Variants in AIG1 observed in about 807,000 individuals in gnomAD.
The protein encoded by AIG1 is androgen-induced gene 1 protein.
AIG1 carries 23 observed loss-of-function variants against 31.4 expected under a neutral mutation model. The observed-to-expected ratio is 0.73, with a 90% confidence interval of 0.53 to 1.04. The LOEUF (loss-of-function observed/expected upper bound fraction) is 1.04, where lower values mean the gene tolerates loss of function less well. Among genes scored for constraint, AIG1 ranks in the 50% least tolerant of loss-of-function variants. The pLI is 0.00. For synonymous variants in AIG1, 100 were observed against 110.5 expected (o/e 0.90, Z 0.60); for missense variants, 274 against 295.0 (o/e 0.93, Z 0.52).
At chr6:143,156,511 CT>C (rs1306132151) in intron 2 of AIG1, among the ~76,000 whole-genome samples, 1 of 152,162 alleles carries the variant, frequency 6.6e-6, no homozygotes, top group African/African-American at 2.4e-5. Flanking sequence ...AGAATGTTTA[CT>C]TTTTATACAT....
intron 1 of AIG1, among the ~76,000 whole-genome samples, chr6:143,117,473 T>C (rs1300460420): frequency 1.3e-5 from 2 of 152,028 alleles, no homozygotes; most frequent in Non-Finnish European, 2.9e-5. Flanking sequence ...ATTAGCAGGG[T>C]TTAGAGCTGA....
At chr6:143,236,255 T>C (rs1583586585) in intron 3 of AIG1, among the ~76,000 whole-genome samples, 1 of 152,224 alleles carries the variant, frequency 6.6e-6, no homozygotes. Context: ...CCATCTGGGC[T>C]GGGGCCTGTG....
chr6:143,077,003 C>A (rs929859780), intron 1 of AIG1, among the ~76,000 whole-genome samples: 5 of 152,092 alleles, frequency 3.3e-5, no homozygotes, highest in African/African-American at 1.2e-4. Flanking sequence ...CTTTATCTGT[C>A]GGCTGTTTGT....
intron 3 of AIG1, among the ~76,000 whole-genome samples, chr6:143,177,100 T>C (rs1788239949): frequency 6.6e-6 from 1 of 152,262 alleles, no homozygotes. Flanking sequence ...TTCTCAATTT[T>C]ATTTTTATTT....
chr6:143,187,409 A>C, intron 3 of AIG1: 1 of 1,535,574 alleles, frequency 6.5e-7, no homozygotes, highest in South Asian at 1.2e-5. Context: ...AGATTCCACC[A>C]CTTTGGGCTT....
At chr6:143,198,216 AT>A (rs1286518443) in intron 3 of AIG1, among the ~76,000 whole-genome samples, 1 of 152,186 alleles carries the variant, frequency 6.6e-6, no homozygotes. Flanking sequence ...CATTTTACAG[AT>A]TTTTAAGGTG....
intron 1 of AIG1, among the ~76,000 whole-genome samples, chr6:143,075,087 T>G (rs946574024): frequency 6.6e-6 from 1 of 152,252 alleles, no homozygotes; most frequent in African/African-American, 2.4e-5. Flanking sequence ...CAATTTCATC[T>G]TTCAGCATTT....
In AIG1 at chr6:143,333,512, A is replaced by G; in HGVS notation, c.679+67A>G. The G allele has an allele frequency of 6.6e-7, 1 of 1,511,474 alleles. No homozygotes were observed. Among genetic ancestry groups the G allele is most frequent in the African/African-American group, 1.4e-5 (1 of 71,014 alleles). The allele number at this position is 1,511,474 out of a possible 1,614,324, so 93.6% of individuals were successfully genotyped here. On this transcript the variant is annotated intron_variant, in intron 5 of 5. Transcript: ENST00000357847. This position sits in a 1 kb window ranked among gnomAD's most constrained non-coding sequence, Gnocchi z 4.6. The stretch of plus-strand genomic sequence containing the variant: ...CCGGCAACAGTCTATGCAGAGACTG[A>G]GGGAAAATTCCACTGTAGCCTCTTC...
intron 3 of AIG1, among the ~76,000 whole-genome samples, chr6:143,217,799 A>G (rs1336935065): frequency 6.6e-6 from 1 of 152,210 alleles, no homozygotes. Flanking sequence ...GTAAGCCACC[A>G]CACCCGACCA....
At chr6:143,295,969 A>T (rs1798396552) in intron 4 of AIG1, among the ~76,000 whole-genome samples, 1 of 152,186 alleles carries the variant, frequency 6.6e-6, no homozygotes, top group Admixed American at 6.5e-5. Flanking sequence ...ATGCCACAGA[A>T]AATATTTCTA....
chr6:143,239,106 G>A (rs549389417), intron 3 of AIG1, among the ~76,000 whole-genome samples: 4 of 152,318 alleles, frequency 2.6e-5, no homozygotes, highest in South Asian at 2.1e-4. Context: ...AGCATAATAC[G>A]TGCTTTGCCA....
At chr6:143,071,133 GTTCT>G (rs1777213626) in intron 1 of AIG1, among the ~76,000 whole-genome samples, 1 of 152,058 alleles carries the variant, frequency 6.6e-6, no homozygotes, top group South Asian at 2.1e-4. Flanking sequence ...CCATTAATTT[GTTCT>G]TTCTATGATT....
At chr6:143,190,271 C>T in intron 3 of AIG1, 1 of 985,454 alleles carries the variant, frequency 1.0e-6, no homozygotes, top group Non-Finnish European at 1.2e-6. Context: ...TCATGGATCA[C>T]AGATTGTAGG....
chr6:143,151,152 G>A (rs1785189545), intron 2 of AIG1, among the ~76,000 whole-genome samples: 1 of 151,948 alleles, frequency 6.6e-6, no homozygotes, highest in Non-Finnish European at 1.5e-5. Flanking sequence ...AAATTTTAAA[G>A]GCAAAATACA....
At chr6:143,290,995 G>A (rs1009042428) in intron 4 of AIG1, among the ~76,000 whole-genome samples, 5 of 152,102 alleles carry the variant, frequency 3.3e-5, no homozygotes, top group Admixed American at 2.6e-4. Flanking sequence ...TTGGATCTAG[G>A]GGAGCTGTTG....
intron 2 of AIG1, among the ~76,000 whole-genome samples, chr6:143,159,881 G>C (rs1786170676): frequency 6.6e-6 from 1 of 152,160 alleles, no homozygotes; most frequent in Non-Finnish European, 1.5e-5. Context: ...TTTGCAAAGA[G>C]AAATCACAAT....
rs768337226 is a variant in AIG1, at chr6:143,330,517, C to T, written c.516-2765C>T. On this transcript the variant is annotated intron_variant, in intron 4 of 5. Transcript: ENST00000357847. This position sits in a 1 kb window ranked among gnomAD's most constrained non-coding sequence, Gnocchi z 4.4. ...CCAAGGAGTTGATGGGCTGGAGTGG[C>T]GGGGAACGATGGGGAGAATAACAGG... Among the ~76,000 whole-genome samples the T allele has an allele frequency of 3.3e-5, 5 of 151,820 alleles. No homozygotes were observed. The highest frequency in any genetic ancestry group is 6.6e-5 in the Admixed American group (1 of 15,244).
chr6:143,261,710 A>G (rs1795792819), intron 3 of AIG1, among the ~76,000 whole-genome samples: 1 of 152,292 alleles, frequency 6.6e-6, no homozygotes, highest in African/African-American at 2.4e-5. Context: ...ATCCTCCACC[A>G]ATGGGTTAAG....
intron 2 of AIG1, among the ~76,000 whole-genome samples, chr6:143,162,825 G>C (rs1265282799): frequency 1.3e-5 from 2 of 152,132 alleles, no homozygotes; most frequent in Non-Finnish European, 2.9e-5. Flanking sequence ...AATGCCCTGA[G>C]GCATACTCAT....
Sources: allele counts gnomAD v4.1 joint callset (sites outside exome capture counted in the v4.1 genomes callset), GRCh38; gene constraint gnomAD v4.1.1; non-coding constraint Gnocchi (gnomAD v3.1); transcripts MANE v1.5; gene names NCBI Gene and HGNC (gene_info 2026-07-23, HGNC 2026-07-21).